The following CPQ variants were observed in gnomAD, a reference collection of about 807,000 sequenced individuals.
CPQ encodes the protein carboxypeptidase Q, also known as Ser-Met dipeptidase.
A neutral mutation model predicts 45.7 loss-of-function variants in CPQ; 37 were observed. That is an observed-to-expected ratio of 0.81 (90% CI 0.62 to 1.07). The LOEUF is 1.07. Ranked by LOEUF, CPQ falls within the 50% of genes least tolerant of loss-of-function variation. CPQ has a pLI of 0.00. For synonymous variants in CPQ, 186 were observed against 205.8 expected (o/e 0.90, Z 0.82); for missense variants, 537 against 572.9 (o/e 0.94, Z 0.64).
intron 4 of CPQ, among the ~76,000 whole-genome samples, chr8:96,953,116 T>C (rs1156541672): frequency 1.3e-5 from 2 of 152,146 alleles, no homozygotes; most frequent in Non-Finnish European, 2.9e-5. Flanking sequence ...AGCATGATGA[T>C]AGGAATTTGC....
At position 97,106,733 on chromosome 8, in the gene CPQ, G is replaced by A. The variant is rs111543043; in HGVS notation, c.1256-36287G>A. ...AGGAGAGCCTTGGGCCAGATGGATC[G>A]CAAGTGAGTGAGCATAGAGAAGAGA... On this transcript the variant is annotated intron_variant, in intron 7 of 7. Transcript: ENST00000220763. 3.9e-3 allele frequency among the ~76,000 whole-genome samples: 599 copies of A among 152,220 alleles called. 1 individual carries two copies. The highest frequency in any genetic ancestry group is 0.014 in the African/African-American group (566 of 41,542).
At chr8:97,000,781 C>A (rs901125776) in intron 5 of CPQ, among the ~76,000 whole-genome samples, 41 of 152,042 alleles carry the variant, frequency 2.7e-4, no homozygotes, top group Non-Finnish European at 4.4e-4. Flanking sequence ...TGAAGAATGT[C>A]AATGGTAGTT....
At chr8:96,857,255 T>C (rs1811863562) in intron 3 of CPQ, among the ~76,000 whole-genome samples, 1 of 152,168 alleles carries the variant, frequency 6.6e-6, no homozygotes, top group African/African-American at 2.4e-5. Context: ...CTAAGGCCAA[T>C]AAGCATAGAG....
At position 96,920,905 on chromosome 8, in the gene CPQ, G is replaced by C. The variant is rs182376336; in HGVS notation, c.849+40900G>C. Among the ~76,000 whole-genome samples, 830 of 152,258 alleles carry C rather than the reference G, an allele frequency of 5.5e-3. 7 individuals are homozygous for C. The highest frequency in any genetic ancestry group is 0.018 in the African/African-American group (735 of 41,560). ...TGAGAAATACATTTCTGTTGTTTAAGCCACCCTGTCTGTGGGATTTTGTTA... is the reference window on the plus strand; with the variant it reads ...TGAGAAATACATTTCTGTTGTTTAACCCACCCTGTCTGTGGGATTTTGTTA... On this transcript the variant is annotated intron_variant, in intron 4 of 7. Transcript: ENST00000220763.
chr8:97,036,167 C>G (rs1417308676), intron 6 of CPQ, among the ~76,000 whole-genome samples: 4 of 152,006 alleles, frequency 2.6e-5, no homozygotes, highest in African/African-American at 9.7e-5. Context: ...AAATGCCGTC[C>G]TGCTCATAAC....
intron 3 of CPQ, among the ~76,000 whole-genome samples, chr8:96,870,727 C>T (rs1477471041): frequency 9.2e-5 from 14 of 152,094 alleles, no homozygotes; most frequent in Non-Finnish European, 1.5e-5. Flanking sequence ...AGGGCAAATG[C>T]TCAGTAAGTG....
intron 1 of CPQ, among the ~76,000 whole-genome samples, chr8:96,669,420 T>G (rs568681985): frequency 3.3e-5 from 5 of 152,310 alleles, no homozygotes; most frequent in African/African-American, 1.2e-4. Flanking sequence ...TGTACCTCTA[T>G]CTGGCATTGA....
intron 2 of CPQ, among the ~76,000 whole-genome samples, chr8:96,802,236 A>C (rs1033657690): frequency 6.6e-6 from 1 of 152,114 alleles, no homozygotes; most frequent in African/African-American, 2.4e-5. Context: ...CAGCTATGTC[A>C]GGTTAGTGCT....
intron 7 of CPQ, among the ~76,000 whole-genome samples, chr8:97,125,607 AT>A (rs766640457): frequency 1.3e-5 from 2 of 152,228 alleles, no homozygotes; most frequent in East Asian, 3.8e-4. Flanking sequence ...AATTTACCAC[AT>A]TAACATAATA....
intron 1 of CPQ, among the ~76,000 whole-genome samples, chr8:96,762,096 A>G (rs1263004156): frequency 6.6e-6 from 1 of 152,194 alleles, no homozygotes; most frequent in African/African-American, 2.4e-5. Flanking sequence ...TATAGGAAGT[A>G]TATCCTGGAT....
chr8:97,095,605 G>A (rs1028046066), intron 7 of CPQ, among the ~76,000 whole-genome samples: 4 of 152,100 alleles, frequency 2.6e-5, no homozygotes, highest in Non-Finnish European at 4.4e-5. Context: ...TCTCCAGCCT[G>A]GTCTCTCATG....
intron 1 of CPQ, among the ~76,000 whole-genome samples, chr8:96,666,264 G>C (rs1164703881): frequency 6.6e-6 from 1 of 152,110 alleles, no homozygotes; most frequent in Non-Finnish European, 1.5e-5. Flanking sequence ...CTTTGGATTG[G>C]CTAGTTTCTG....
chr8:96,953,890 T>C (rs2130342336), intron 4 of CPQ, among the ~76,000 whole-genome samples: 1 of 152,282 alleles, frequency 6.6e-6, no homozygotes, highest in South Asian at 2.1e-4. Context: ...AGTTTTAAGC[T>C]ATTATTTGTG....
intron 4 of CPQ, among the ~76,000 whole-genome samples, chr8:96,915,481 A>G (rs913168076): frequency 6.6e-6 from 1 of 152,216 alleles, no homozygotes; most frequent in East Asian, 1.9e-4. Flanking sequence ...AAGAGAAAAC[A>G]TACTACCCAC....
At chr8:96,684,307 A>G (rs1434616989) in intron 1 of CPQ, among the ~76,000 whole-genome samples, 1 of 152,188 alleles carries the variant, frequency 6.6e-6, no homozygotes, top group Non-Finnish European at 1.5e-5. Context: ...TGTAATTAGC[A>G]TCAGTGTTTT....
At chr8:96,843,471 A>G (rs1427977857) in intron 3 of CPQ, among the ~76,000 whole-genome samples, 1 of 152,222 alleles carries the variant, frequency 6.6e-6, no homozygotes, top group East Asian at 1.9e-4. Context: ...TTGGTGGATT[A>G]TAATTGAAGC....
At position 96,927,020 on chromosome 8, in the gene CPQ, G is replaced by A. The variant is rs140360905; in HGVS notation, c.850-38915G>A. 5.8e-4 allele frequency among the ~76,000 whole-genome samples: 88 copies of A among 152,364 alleles called. 1 individual carries two copies. The highest frequency in any genetic ancestry group is 2.1e-3 in the African/African-American group (87 of 41,590). On this transcript the variant is annotated intron_variant, in intron 4 of 7. Transcript: ENST00000220763. ...GTGAAAGAGAAAATGGGCGTAAGCT[G>A]CAACATGAGAAATTTAGGTAGCAGA...
rs114467098 is a variant in CPQ, at chr8:96,700,901, A to G, written c.-35+55499A>G. ...AGCAAAGAAGAGCTTTATACTAGCT[A>G]TGAAACTGGAATTTAAAATATATTT... On this transcript the variant is annotated intron_variant, in intron 1 of 7. Coordinates refer to ENST00000220763, the MANE Select transcript of CPQ (RefSeq NM_016134.4). 7.9e-3 allele frequency among the ~76,000 whole-genome samples: 1,196 copies of G among 152,336 alleles called. 10 individuals are homozygous for G. The highest frequency in any genetic ancestry group is 0.023 in the African/African-American group (963 of 41,582).
rs568310997 is a variant in CPQ, at chr8:96,713,696, G to T, written c.-35+68294G>T. Among the ~76,000 whole-genome samples the T allele has an allele frequency of 4.6e-5, 7 of 152,268 alleles. No individual in the cohort carries two copies. The South Asian group carries it at 1.5e-3, about 32-fold the overall frequency. On this transcript the variant is annotated intron_variant, in intron 1 of 7. Coordinates refer to ENST00000220763, the MANE Select transcript of CPQ (RefSeq NM_016134.4). ...GGGGATTATGGGAACTACAACTCAA[G>T]ATGAGATTTGGATGGGGACACAGCC...
Sources: gnomAD v4.1 joint callset for allele counts (sites outside exome capture counted in the v4.1 genomes callset) on GRCh38, gnomAD v4.1.1 for gene constraint, MANE v1.5 for transcripts, NCBI Gene and HGNC (gene_info 2026-07-23, HGNC 2026-07-21) for gene names.